The following HOOK3 variants were observed in gnomAD, a reference collection of about 807,000 sequenced individuals.
HOOK3 encodes the protein protein Hook homolog 3.
Under a neutral mutation model 116.3 loss-of-function variants are expected in HOOK3, and 24 were observed. That is an observed-to-expected ratio of 0.21 (90% CI 0.15 to 0.29). The LOEUF is 0.29. Ranked by LOEUF, HOOK3 falls within the 10% of genes least tolerant of loss-of-function variation. The pLI, the probability that HOOK3 is intolerant of heterozygous loss-of-function variation, is 1.00. For missense variants in HOOK3, 632 were observed against 830.2 expected (o/e 0.76, Z 2.93); for synonymous variants, 275 against 283.0 (o/e 0.97, Z 0.28).
intron 1 of HOOK3, among the ~76,000 whole-genome samples, chr8:42,904,541 G>T (rs1807264300): frequency 6.6e-6 from 1 of 151,984 alleles, no homozygotes; most frequent in Non-Finnish European, 1.5e-5. Flanking sequence ...CTGATCTCCA[G>T]ACCTCGTGAT....
chr8:42,979,486 T>TTG (rs1470976078), intron 13 of HOOK3, among the ~76,000 whole-genome samples: 1 of 152,154 alleles, frequency 6.6e-6, no homozygotes, highest in Non-Finnish European at 1.5e-5. Flanking sequence ...GGCTGATGGA[T>TTG]TGCTTGTTTG....
intron 5 of HOOK3, among the ~76,000 whole-genome samples, chr8:42,948,621 C>T (rs148842824): frequency 1.1e-3 from 171 of 152,312 alleles, no homozygotes; most frequent in African/African-American, 3.9e-3. Flanking sequence ...TTCTTCTCTT[C>T]CATGTTCACA....
At chr8:42,996,385 CAAAAAAAAAAAA>C (rs529268164) in intron 15 of HOOK3, among the ~76,000 whole-genome samples, 13 of 55,980 alleles carry the variant, frequency 2.3e-4, no homozygotes, top group Admixed American at 2.1e-3. Flanking sequence ...GACTCCGTCT[CAAAAAAAAAAAA>C]AAAAAAGAAA....
intron 2 of HOOK3, among the ~76,000 whole-genome samples, chr8:42,919,698 C>G (rs895705998): frequency 4.6e-5 from 7 of 152,182 alleles, no homozygotes; most frequent in Non-Finnish European, 8.8e-5. Flanking sequence ...CCCGGCACCT[C>G]GGGAGGCTGA....
intron 15 of HOOK3, among the ~76,000 whole-genome samples, chr8:42,989,349 T>A (rs1022368205): frequency 6.6e-6 from 1 of 152,244 alleles, no homozygotes; most frequent in Non-Finnish European, 1.5e-5. Context: ...CAATTCACAT[T>A]GATAGAATAC....
At position 43,021,604 on chromosome 8, in the gene HOOK3, C is replaced by A; in HGVS notation, c.*3106C>A. ...GCACGAGCCACCGCGCCCAGTCGTA[C>A]TTCTGACTTTTCTTCAGCATCTGTT... On this transcript the variant is annotated 3_prime_UTR_variant, in exon 22 of 22. Transcript: ENST00000307602. The A allele has an allele frequency of 5.9e-6, 1 of 168,092 alleles. No individual in the cohort carries two copies. The allele number at this position is 168,092 out of a possible 1,614,324, so 10.4% of individuals were successfully genotyped here. A position where few individuals can be genotyped will look rare whatever the true frequency, so the allele number is the denominator to read the frequency against.
chr8:42,984,433 T>G (rs1195869690), intron 14 of HOOK3, among the ~76,000 whole-genome samples: 1 of 152,010 alleles, frequency 6.6e-6, no homozygotes, highest in Non-Finnish European at 1.5e-5. Context: ...TCTGGAAGTA[T>G]TTTGTGTACC....
chr8:42,929,627 T>C (rs1447064679), intron 3 of HOOK3, among the ~76,000 whole-genome samples: 1 of 152,218 alleles, frequency 6.6e-6, no homozygotes, highest in African/African-American at 2.4e-5. Context: ...AACAATAGTT[T>C]TTTTTTCTGG....
chr8:43,017,277 A>G (rs1809741687), intron 21 of HOOK3, among the ~76,000 whole-genome samples: 1 of 152,080 alleles, frequency 6.6e-6, no homozygotes, highest in African/African-American at 2.4e-5. Flanking sequence ...TGTTGTTGTT[A>G]TCGTTTTTGA....
At chr8:43,006,751 GAGAA>G (rs936829405) in intron 17 of HOOK3, among the ~76,000 whole-genome samples, 1 of 152,052 alleles carries the variant, frequency 6.6e-6, no homozygotes, top group South Asian at 2.1e-4. Flanking sequence ...AAAATTTATT[GAGAA>G]AGAAAAAGGT....
intron 4 of HOOK3, among the ~76,000 whole-genome samples, chr8:42,935,268 TC>T (rs1554510333): frequency 6.6e-6 from 1 of 152,214 alleles, no homozygotes; most frequent in Non-Finnish European, 1.5e-5. Context: ...TTGTTTAAGT[TC>T]CTTGTGGATT....
intron 2 of HOOK3, among the ~76,000 whole-genome samples, chr8:42,923,673 G>C (rs1449561738): frequency 1.3e-5 from 2 of 152,160 alleles, no homozygotes; most frequent in African/African-American, 4.8e-5. Flanking sequence ...AGAGGAAACA[G>C]GAGTGATGGC....
At chr8:43,001,981 C>G (rs141327971) in intron 16 of HOOK3, 126 bp from the exon 17 acceptor site, 107 of 617,848 alleles carry the variant, frequency 1.7e-4, no homozygotes, top group Non-Finnish European at 2.5e-4. Context: ...GTGTTTTCAG[C>G]TCTTTGACCA....
intron 4 of HOOK3, among the ~76,000 whole-genome samples, chr8:42,934,639 G>A (rs574262442): frequency 2.0e-5 from 3 of 151,976 alleles, no homozygotes; most frequent in East Asian, 1.9e-4. Flanking sequence ...GAGAACATGC[G>A]GTGTTTGGTT....
chr8:42,973,199 G>C, intron 11 of HOOK3, 90 bp from the exon 12 acceptor site: 1 of 1,385,464 alleles, frequency 7.2e-7, no homozygotes, highest in South Asian at 1.5e-5. Context: ...TGGTGGGAGA[G>C]ATTTTGGTTT....
chr8:42,921,449 T>C (rs773112937), intron 2 of HOOK3, among the ~76,000 whole-genome samples: 6 of 152,320 alleles, frequency 3.9e-5, no homozygotes, highest in Non-Finnish European at 7.4e-5. Flanking sequence ...TTTATAACTC[T>C]TTAATGTTTT....
rs942828108 is a variant in HOOK3 at position 42,978,454 on chromosome 8, A to G, written c.1322-4173A>G. Among the ~76,000 whole-genome samples the G allele has an allele frequency of 9.5e-4, 137 of 143,530 alleles. 1 individual carries two copies. The highest frequency in any genetic ancestry group is 3.4e-3 in the African/African-American group (131 of 38,354). 94.2% of individuals were successfully genotyped at this position (143,530 alleles called of 152,430 possible). Reference sequence around the variant, plus strand: ...AGATGAAGTCTCACTCTTGTCCCCCAGGCTGGAGTGCAATGGCGCTATCTA... The same window carrying G: ...AGATGAAGTCTCACTCTTGTCCCCCGGGCTGGAGTGCAATGGCGCTATCTA... On this transcript the variant is annotated intron_variant, in intron 13 of 21. Coordinates refer to ENST00000307602, the MANE Select transcript of HOOK3 (RefSeq NM_032410.4).
chr8:42,905,529 G>A (rs940111609), intron 1 of HOOK3, among the ~76,000 whole-genome samples: 2 of 151,916 alleles, frequency 1.3e-5, no homozygotes, highest in Non-Finnish European at 2.9e-5. Context: ...AGTCCAAATT[G>A]TCTTTTCCCT....
Position 42,937,895 on chromosome 8 carries a change from T to A in HOOK3, c.268-5418T>A, listed in dbSNP as rs192675488. Among the ~76,000 whole-genome samples, 1,380 of 152,318 alleles carry A rather than the reference T, an allele frequency of 9.1e-3. 7 individuals are homozygous for A. Among genetic ancestry groups the A allele is most frequent in the Non-Finnish European group, 0.013 (886 of 68,030 alleles). ...TTTGGGGTGGAGAGTTCTGTAGATG[T>A]CTATTAGGTCTGCTTGGTCCAGAGC... is the stretch of plus-strand genomic sequence containing the variant. On this transcript the variant is annotated intron_variant, in intron 4 of 21. Transcript: ENST00000307602.
Sources: allele counts gnomAD v4.1 joint callset (sites outside exome capture counted in the v4.1 genomes callset), GRCh38; gene constraint gnomAD v4.1.1; transcripts MANE v1.5; gene names NCBI Gene and HGNC (gene_info 2026-07-23, HGNC 2026-07-21).